The following TENM3 variants were observed in gnomAD, a reference collection of about 807,000 sequenced individuals.
TENM3 encodes the protein teneurin-3.
TENM3 carries 63 observed loss-of-function variants against 255.1 expected under a neutral mutation model. That is an observed-to-expected ratio of 0.25 (90% confidence interval 0.20 to 0.30). The LOEUF (loss-of-function observed/expected upper bound fraction) is 0.30. Ranked by LOEUF, TENM3 falls within the 10% of genes least tolerant of loss-of-function variation. The pLI is 1.00. For synonymous variants in TENM3, 1,306 were observed against 1,322.3 expected (o/e 0.99, Z 0.27); for missense variants, 2,929 against 3,461.1 (o/e 0.85, Z 3.86).
At chr4:182,053,852 C>T in the TENM3 span, among the ~76,000 whole-genome samples, 1,270 of 152,222 alleles carry the variant, frequency 8.3e-3, 13 homozygotes, top group African/African-American at 0.029. Flanking sequence ...AACTCATTTC[C>T]GTTTAAATCC....
At chr4:181,508,892 CTTTTTTTTTTTTTT>C in the TENM3 span, among the ~76,000 whole-genome samples, 32 of 53,790 alleles carry the variant, frequency 5.9e-4, no homozygotes, top group Admixed American at 6.9e-3. Flanking sequence ...ATTTCCAACA[CTTTTTTTTTTTTTT>C]TTTTTTTTTT....
chr4:182,459,528 C>A lies in TENM3; in HGVS notation c.511+112599C>A, dbSNP rs1050362807. Among the ~76,000 whole-genome samples the A allele has an allele frequency of 5.3e-5, 8 of 151,674 alleles. No homozygotes were observed. In the South Asian group the frequency reaches 1.0e-3, roughly 20 times the overall value. On this transcript the variant is annotated intron_variant, in intron 3 of 27. Coordinates refer to ENST00000511685, the MANE Select transcript of TENM3 (RefSeq NM_001080477.4). ...TGTTTGTTTTAAACAAGATTCGTGG[C>A]CTTTTTTAAACTATGAAGGTCTGTG...
chr4:182,204,973 G>A (rs1001504425), intron 1 of TENM3, among the ~76,000 whole-genome samples: 1 of 152,106 alleles, frequency 6.6e-6, no homozygotes, highest in Non-Finnish European at 1.5e-5. Context: ...GTGACTTTTC[G>A]GTTGCAGCAG....
At chr4:182,778,104 C>T (rs748052064) in intron 24 of TENM3, among the ~76,000 whole-genome samples, 81 of 151,976 alleles carry the variant, frequency 5.3e-4, no homozygotes, top group Non-Finnish European at 1.1e-3. Flanking sequence ...ATAGCAGTTG[C>T]TTACCTGTGC....
At chr4:182,197,068 A>G (rs1385519567) in intron 1 of TENM3, among the ~76,000 whole-genome samples, 2 of 152,196 alleles carry the variant, frequency 1.3e-5, no homozygotes, top group Non-Finnish European at 2.9e-5. Context: ...CAGTTTCACA[A>G]TTTAAACTCC....
intron 2 of TENM3, among the ~76,000 whole-genome samples, chr4:182,344,761 T>C (rs1007667526): frequency 4.0e-5 from 6 of 151,892 alleles, no homozygotes; most frequent in African/African-American, 1.5e-4. Context: ...AAAATCAGCA[T>C]GTTTGATGGC....
chr4:182,543,675 A>G (rs142112798), intron 3 of TENM3, among the ~76,000 whole-genome samples: 6 of 152,166 alleles, frequency 3.9e-5, no homozygotes, highest in African/African-American at 1.4e-4. Flanking sequence ...TCATATATAT[A>G]TATGTGTGTG....
the TENM3 span, among the ~76,000 whole-genome samples, chr4:181,687,253 A>C: frequency 1.4e-4 from 22 of 152,158 alleles, no homozygotes; most frequent in Non-Finnish European, 3.1e-4. Flanking sequence ...GAAAATGACT[A>C]TTATTTAGTG....
the TENM3 span, among the ~76,000 whole-genome samples, chr4:181,611,299 C>T: frequency 3.3e-5 from 5 of 152,122 alleles, no homozygotes; most frequent in Non-Finnish European, 5.9e-5. Context: ...CTGGGCGTGC[C>T]GCAGACAATC....
At chr4:182,228,544 T>C (rs545942708) in intron 1 of TENM3, among the ~76,000 whole-genome samples, 3 of 151,988 alleles carry the variant, frequency 2.0e-5, no homozygotes, top group African/African-American at 7.2e-5. Context: ...TGCTAGGGTC[T>C]ACCGGTTCAA....
chr4:181,957,852 T>C, the TENM3 span, among the ~76,000 whole-genome samples: 34 of 152,222 alleles, frequency 2.2e-4, 1 homozygote, highest in Admixed American at 2.1e-3. Flanking sequence ...AATGTTCTCA[T>C]TTCAATGTGT....
At chr4:182,040,567 T>C in the TENM3 span, among the ~76,000 whole-genome samples, 1 of 152,172 alleles carries the variant, frequency 6.6e-6, no homozygotes, top group Non-Finnish European at 1.5e-5. Context: ...ATTTAATCTT[T>C]TGTGCTCACC....
chr4:181,500,409 A>G, the TENM3 span, among the ~76,000 whole-genome samples: 5 of 151,802 alleles, frequency 3.3e-5, no homozygotes, highest in African/African-American at 4.8e-5. Context: ...GGGAGGCTGG[A>G]CACAGGGAAC....
chr4:182,160,358 G>T (rs768615946), intron 1 of TENM3, among the ~76,000 whole-genome samples: 4 of 152,080 alleles, frequency 2.6e-5, no homozygotes, highest in South Asian at 4.2e-4. Context: ...TCCACATTAC[G>T]GTTAGAATGA....
the TENM3 span, among the ~76,000 whole-genome samples, chr4:181,525,908 G>A: frequency 6.6e-6 from 1 of 151,352 alleles, no homozygotes. Context: ...CTAAGGAAAT[G>A]TCAGCCCTTG....
chr4:182,471,601 A>T (rs1214155925), intron 3 of TENM3, among the ~76,000 whole-genome samples: 1 of 151,474 alleles, frequency 6.6e-6, no homozygotes, highest in African/African-American at 2.4e-5. Context: ...GTGGTTCATC[A>T]TTGAAATGTT....
At chr4:181,931,568 A>G in the TENM3 span, among the ~76,000 whole-genome samples, 3 of 152,236 alleles carry the variant, frequency 2.0e-5, no homozygotes, top group African/African-American at 7.2e-5. Context: ...AAGAATCAAT[A>G]TCATGAAAAT....
chr4:182,502,325 G>A (rs62337212), intron 3 of TENM3, among the ~76,000 whole-genome samples: 2,964 of 152,258 alleles, frequency 0.019, 32 homozygotes, highest in Middle Eastern at 0.041. Flanking sequence ...TGAGTACTCT[G>A]TGGGTGTTTT....
At chr4:181,530,872 A>G in the TENM3 span, among the ~76,000 whole-genome samples, 1 of 152,260 alleles carries the variant, frequency 6.6e-6, no homozygotes, top group African/African-American at 2.4e-5. Flanking sequence ...AAGAAGTTCT[A>G]GTTATGATTC....
Sources: allele counts gnomAD v4.1 joint callset (sites outside exome capture counted in the v4.1 genomes callset), GRCh38; gene constraint gnomAD v4.1.1; transcripts MANE v1.5; gene names NCBI Gene and HGNC (gene_info 2026-07-23, HGNC 2026-07-21).